MBD5: variants seen among roughly 807,000 people sequenced by gnomAD.
MBD5 encodes methyl-CpG binding domain protein 5, also known as methyl-CpG-binding domain protein 5.
In MBD5, 13 loss-of-function variants were observed where a neutral mutation model predicts 117.3. The ratio of observed to expected loss-of-function variants is 0.11; its 90% CI spans 0.07 to 0.18. The LOEUF (loss-of-function observed/expected upper bound fraction) is 0.18, where lower values mean the gene tolerates loss of function less well. MBD5 is among the 10% of genes least tolerant of loss of function. MBD5 has a pLI of 1.00. For synonymous variants in MBD5, 727 were observed against 766.4 expected (o/e 0.95, Z 0.85); for missense variants, 1,879 against 2,093.8 (o/e 0.90, Z 2.00).
intron 3 of MBD5, among the ~76,000 whole-genome samples, chr2:148,259,232 C>T (rs553199047): frequency 6.6e-5 from 10 of 152,256 alleles, no homozygotes; most frequent in South Asian, 2.1e-4. Context: ...GCCAACTGCC[C>T]GCTCACCTGC....
chr2:148,021,308 G>A lies in MBD5; in HGVS notation c.-1301G>A. 1 of 394,724 alleles carries A rather than the reference G, an allele frequency of 2.5e-6. No individual in the cohort carries two copies. Among genetic ancestry groups the A allele is most frequent in the East Asian group, 6.2e-5 (1 of 16,168 alleles). 24.5% of individuals were successfully genotyped at this position (394,724 alleles called of 1,614,324 possible). ...GGGATTGAGCCTGAGAGAGGAGAAG[G>A]AGTTTCTTCTTCTTCGAAAACCCCC... is the stretch of plus-strand genomic sequence containing the variant. On this transcript the variant is annotated 5_prime_UTR_variant, in exon 1 of 14. Transcript: ENST00000642680.
intron 3 of MBD5, among the ~76,000 whole-genome samples, chr2:148,328,709 G>A (rs1396213442): frequency 2.0e-5 from 3 of 152,198 alleles, no homozygotes; most frequent in African/African-American, 7.2e-5. Context: ...CTCGCACATG[G>A]TGCGTGCACC....
intron 1 of MBD5, among the ~76,000 whole-genome samples, chr2:148,039,571 C>A (rs748513652): frequency 6.6e-6 from 1 of 152,054 alleles, no homozygotes; most frequent in Non-Finnish European, 1.5e-5. Flanking sequence ...GAGGGTAAAT[C>A]ATTTCTGAAA....
At chr2:148,203,229 A>G (rs1203478803) in intron 2 of MBD5, among the ~76,000 whole-genome samples, 1 of 152,214 alleles carries the variant, frequency 6.6e-6, no homozygotes, top group Non-Finnish European at 1.5e-5. Flanking sequence ...GAAACCTGGG[A>G]ACTAATATTT....
intron 2 of MBD5, among the ~76,000 whole-genome samples, chr2:148,214,604 A>T (rs1699507039): frequency 6.6e-6 from 1 of 152,214 alleles, no homozygotes; most frequent in Admixed American, 6.5e-5. Context: ...CTTATGCCTG[A>T]TAACCAAAAG....
chr2:148,344,607 GGCTTTCA>G (rs1225164962), intron 4 of MBD5, among the ~76,000 whole-genome samples: 2 of 151,838 alleles, frequency 1.3e-5, no homozygotes, highest in Non-Finnish European at 2.9e-5. Flanking sequence ...TTCTTCATTT[GGCTTTCA>G]GCTTGAACAT....
chr2:148,039,829 T>TAACCACA (rs61340652), intron 1 of MBD5, among the ~76,000 whole-genome samples: 37,221 of 151,748 alleles, frequency 0.25, 5,638 homozygotes, highest in East Asian at 0.46. Context: ...ACCACAAGGG[T>TAACCACA]ACTGGCCAGT....
intron 1 of MBD5, among the ~76,000 whole-genome samples, chr2:148,126,972 T>C (rs1210350812): frequency 6.9e-6 from 1 of 144,002 alleles, no homozygotes; most frequent in East Asian, 2.1e-4. Flanking sequence ...CAGCTTTTTT[T>C]CTTTCTTTTT....
intron 4 of MBD5, among the ~76,000 whole-genome samples, chr2:148,433,917 G>T (rs1212613644): frequency 6.8e-6 from 1 of 146,700 alleles, no homozygotes; most frequent in African/African-American, 2.6e-5. Flanking sequence ...GTTGTTGTTT[G>T]TTTGTTTTCA....
intron 1 of MBD5, among the ~76,000 whole-genome samples, chr2:148,162,408 G>A (rs916166771): frequency 1.3e-5 from 2 of 152,062 alleles, no homozygotes. Context: ...TTAACCCAAC[G>A]ATTAGAATTA....
intron 3 of MBD5, among the ~76,000 whole-genome samples, chr2:148,270,895 T>A (rs1049782744): frequency 6.6e-6 from 1 of 152,196 alleles, no homozygotes; most frequent in African/African-American, 2.4e-5. Flanking sequence ...TGAAATTTTT[T>A]AATTCCCTTT....
chr2:148,264,325 A>AGAGGAC (rs1700805360), intron 3 of MBD5: 1 of 150,590 alleles, frequency 6.6e-6, no homozygotes, highest in African/African-American at 2.5e-5. Context: ...AAGAAGAGGA[A>AGAGGAC]GAGGAAGAGG....
At chr2:148,038,845 T>G (rs1694274422) in intron 1 of MBD5, among the ~76,000 whole-genome samples, 1 of 152,070 alleles carries the variant, frequency 6.6e-6, no homozygotes, top group African/African-American at 2.4e-5. Context: ...GTTTGATTTT[T>G]GTTTCAAAAA....
At chr2:148,211,645 C>T (rs1699424263) in intron 2 of MBD5, among the ~76,000 whole-genome samples, 1 of 152,094 alleles carries the variant, frequency 6.6e-6, no homozygotes, top group Non-Finnish European at 1.5e-5. Flanking sequence ...TTACAAGATC[C>T]ATGTGGCTAT....
intron 4 of MBD5, among the ~76,000 whole-genome samples, chr2:148,402,834 A>T (rs963240948): frequency 2.0e-5 from 3 of 151,936 alleles, no homozygotes; most frequent in African/African-American, 7.2e-5. Flanking sequence ...TCTTTTGATT[A>T]GTGTTAACAG....
intron 7 of MBD5, among the ~76,000 whole-genome samples, chr2:148,465,190 C>T (rs979616865): frequency 1.3e-5 from 2 of 152,112 alleles, no homozygotes; most frequent in Non-Finnish European, 2.9e-5. Context: ...GCTAGGAATA[C>T]TGCATAGATG....
At chr2:148,346,199 A>G (rs987641332) in intron 4 of MBD5, 4 of 152,330 alleles carry the variant, frequency 2.6e-5, no homozygotes, top group African/African-American at 9.6e-5. Flanking sequence ...AAAGAAGAAG[A>G]AGAAGAAGAA....
intron 4 of MBD5, among the ~76,000 whole-genome samples, chr2:148,414,337 T>C (rs1228546412): frequency 1.3e-5 from 2 of 152,168 alleles, no homozygotes; most frequent in African/African-American, 4.8e-5. Context: ...TATGTTGATA[T>C]GATTTCAGTT....
rs1436319813 is a variant in MBD5 at position 148,124,287 on chromosome 2, A to C, written c.-924-54413A>C. ...GGGCAAAACTGTCTTGAAAAAACAAACAACCAAACAAACACACACACACAC... is the reference window on the plus strand; with the variant it reads ...GGGCAAAACTGTCTTGAAAAAACAACCAACCAAACAAACACACACACACAC... On this transcript the variant is annotated intron_variant, in intron 1 of 13. Transcript: ENST00000642680. Among the ~76,000 whole-genome samples the C allele has an allele frequency of 2.6e-5, 4 of 152,162 alleles. No homozygotes were observed. In the East Asian group the frequency reaches 7.7e-4, roughly 29 times the overall value.
Sources: allele counts gnomAD v4.1 joint callset (sites outside exome capture counted in the v4.1 genomes callset), GRCh38; gene constraint gnomAD v4.1.1; transcripts MANE v1.5; gene names NCBI Gene and HGNC (gene_info 2026-07-23, HGNC 2026-07-21).